CWF19L2: variants seen among roughly 807,000 people sequenced by gnomAD.
The protein encoded by CWF19L2 is CWF19-like protein 2.
In CWF19L2, 98 loss-of-function variants were observed where a neutral mutation model predicts 111.7. The ratio of observed to expected loss-of-function variants is 0.88; its 90% confidence interval spans 0.75 to 1.04. CWF19L2 has a LOEUF of 1.04. Among genes scored for constraint, CWF19L2 ranks in the 50% least tolerant of loss-of-function variants. CWF19L2 has a pLI of 0.00. For missense variants in CWF19L2, 1,101 were observed against 1,051.4 expected, an observed-to-expected ratio of 1.05 and a Z score of -0.65; for synonymous variants, 351 against 342.9, an observed-to-expected ratio of 1.02 and a Z score of -0.26.
intron 12 of CWF19L2, among the ~76,000 whole-genome samples, chr11:107,365,914 A>T (rs1042577315): frequency 6.8e-6 from 1 of 146,044 alleles, no homozygotes; most frequent in African/African-American, 2.6e-5. Flanking sequence ...ATGATTGTAT[A>T]TCTAGAAAAC....
At chr11:107,350,732 G>A (rs1860145508) in intron 13 of CWF19L2, among the ~76,000 whole-genome samples, 2 of 151,896 alleles carry the variant, frequency 1.3e-5, no homozygotes, top group Admixed American at 6.6e-5. Context: ...GGTGATAAGG[G>A]GTACTAAAAA....
At chr11:107,404,082 C>T in intron 10 of CWF19L2, 2 of 772,218 alleles carry the variant, frequency 2.6e-6, no homozygotes, top group South Asian at 1.3e-5. Flanking sequence ...GCTGAATGCT[C>T]ATATATGGTT....
At chr11:107,397,651 T>C (rs1565267892) in intron 10 of CWF19L2, among the ~76,000 whole-genome samples, 1 of 151,554 alleles carries the variant, frequency 6.6e-6, no homozygotes, top group Admixed American at 6.6e-5. Flanking sequence ...CACCAGTCTC[T>C]CTCCACCCTA....
At chr11:107,432,418 A>C (rs1022725116) in intron 7 of CWF19L2, among the ~76,000 whole-genome samples, 8 of 152,084 alleles carry the variant, frequency 5.3e-5, no homozygotes, top group African/African-American at 1.7e-4. Context: ...TCTACTAAAA[A>C]CTAAAAATAC....
intron 17 of CWF19L2, among the ~76,000 whole-genome samples, chr11:107,327,835 C>A (rs1431766917): frequency 6.6e-6 from 1 of 152,062 alleles, no homozygotes; most frequent in African/African-American, 2.4e-5. Flanking sequence ...ACAACAACAA[C>A]AAAAAACAGA....
intron 10 of CWF19L2, among the ~76,000 whole-genome samples, chr11:107,408,744 GA>G (rs1216914450): frequency 6.6e-6 from 1 of 151,814 alleles, no homozygotes; most frequent in African/African-American, 2.4e-5. Flanking sequence ...CTTGGCTGGG[GA>G]AAAAACTAGC....
intron 1 of CWF19L2, among the ~76,000 whole-genome samples, chr11:107,457,466 G>A (rs1861871385): frequency 6.6e-6 from 1 of 152,140 alleles, no homozygotes; most frequent in Non-Finnish European, 1.5e-5. Context: ...TAACTTAAAA[G>A]GTAAAGAAAC....
chr11:107,429,575 A>G lies in CWF19L2; in HGVS notation c.781-124T>C, dbSNP rs528677354. 7.0e-5 allele frequency: 46 copies of G among 655,772 alleles called. No individual in the cohort carries two copies. In the African/African-American group the frequency reaches 7.8e-4, roughly 11 times the overall value. 40.6% of individuals were successfully genotyped at this position (655,772 alleles called of 1,614,324 possible). ...CTGAAAAGCCCACTAACGGGGTGAA[A>G]GAAGACCCATACAATCATCCTATAC... is the stretch of plus-strand genomic sequence containing the variant. On this transcript the variant is annotated intron_variant, in intron 7 of 17. Coordinates refer to ENST00000282251, the MANE Select transcript of CWF19L2 (RefSeq NM_152434.3).
intron 14 of CWF19L2, among the ~76,000 whole-genome samples, chr11:107,347,593 C>T (rs1422157208): frequency 2.0e-5 from 3 of 152,154 alleles, no homozygotes; most frequent in Non-Finnish European, 1.5e-5. Context: ...TTTGGCTTTT[C>T]CTCTCTTTCG....
chr11:107,402,599 C>T (rs1051730068), intron 10 of CWF19L2, among the ~76,000 whole-genome samples: 12 of 151,850 alleles, frequency 7.9e-5, no homozygotes, highest in Middle Eastern at 3.4e-3. Context: ...AGCGTGGATG[C>T]GGTGAACAAG....
chr11:107,352,947 C>A (rs1860178536), intron 13 of CWF19L2, among the ~76,000 whole-genome samples: 1 of 152,180 alleles, frequency 6.6e-6, no homozygotes, highest in South Asian at 2.1e-4. Flanking sequence ...AAGCTCATTT[C>A]CTCCTCAGGG....
At chr11:107,397,280 C>A (rs1187233749) in intron 10 of CWF19L2, among the ~76,000 whole-genome samples, 1 of 152,076 alleles carries the variant, frequency 6.6e-6, no homozygotes, top group Non-Finnish European at 1.5e-5. Context: ...TGTTTTCAAG[C>A]CCACCTTGCC....
At chr11:107,328,280 T>C (rs1445582497) in intron 17 of CWF19L2, among the ~76,000 whole-genome samples, 1 of 152,160 alleles carries the variant, frequency 6.6e-6, no homozygotes, top group Non-Finnish European at 1.5e-5. Flanking sequence ...AATTGAGATT[T>C]AGTTCAAGAG....
At chr11:107,445,878 C>T (rs1253523428) in intron 3 of CWF19L2, among the ~76,000 whole-genome samples, 1 of 152,168 alleles carries the variant, frequency 6.6e-6, no homozygotes, top group Non-Finnish European at 1.5e-5. Context: ...ACTTCCCATG[C>T]TAGAAAGTGA....
chr11:107,387,834 G>C, intron 12 of CWF19L2, among the ~76,000 whole-genome samples: 1 of 152,170 alleles, frequency 6.6e-6, no homozygotes, highest in Non-Finnish European at 1.5e-5. Flanking sequence ...ACCTCTTGCT[G>C]TGCGGCCCAG....
chr11:107,334,160 G>A (rs1338045886), intron 16 of CWF19L2, among the ~76,000 whole-genome samples: 1 of 152,144 alleles, frequency 6.6e-6, no homozygotes, highest in Admixed American at 6.5e-5. Flanking sequence ...CTTGAACAAT[G>A]CCTGGTAAAT....
chr11:107,346,605 T>G (rs1195857566), intron 14 of CWF19L2, among the ~76,000 whole-genome samples: 1 of 152,090 alleles, frequency 6.6e-6, no homozygotes, highest in Non-Finnish European at 1.5e-5. Flanking sequence ...ACAGATGACT[T>G]AGAGGAAAGC....
intron 12 of CWF19L2, among the ~76,000 whole-genome samples, chr11:107,357,374 T>G (rs950169113): frequency 2.0e-5 from 3 of 152,228 alleles, no homozygotes; most frequent in African/African-American, 7.2e-5. Context: ...ATTTATCTTA[T>G]CCAAAATATA....
chr11:107,363,299 T>C (rs1860386892), intron 12 of CWF19L2, among the ~76,000 whole-genome samples: 1 of 152,018 alleles, frequency 6.6e-6, no homozygotes, highest in Non-Finnish European at 1.5e-5. Context: ...CAGGCCAACG[T>C]TCAGATTCAG....
Sources: gnomAD v4.1 joint callset for allele counts (sites outside exome capture counted in the v4.1 genomes callset) on GRCh38, gnomAD v4.1.1 for gene constraint, MANE v1.5 for transcripts, NCBI Gene and HGNC (gene_info 2026-07-23, HGNC 2026-07-21) for gene names.